The following NEBL variants were observed in gnomAD, a reference collection of about 807,000 sequenced individuals.
The protein encoded by NEBL is nebulette.
Under a neutral mutation model 140.2 loss-of-function variants are expected in NEBL, and 122 were observed. That is an observed-to-expected ratio of 0.87 (90% CI 0.75 to 1.01). NEBL has a LOEUF of 1.01. Among genes scored for constraint, NEBL ranks in the 50% least tolerant of loss-of-function variants. The pLI, the probability that NEBL is intolerant of heterozygous loss-of-function variation, is 0.00. For missense variants in NEBL, 1,365 were observed against 1,231.3 expected (o/e 1.11, Z -1.62); for synonymous variants, 436 against 398.9 (o/e 1.09, Z -1.11).
intron 26 of NEBL, among the ~76,000 whole-genome samples, chr10:20,807,139 A>T (rs1837681396): frequency 6.6e-6 from 1 of 152,122 alleles, no homozygotes; most frequent in African/African-American, 2.4e-5. Context: ...AGCATGGACA[A>T]CATTGCGAGA....
chr10:21,006,307 G>GA (rs1243116013), intron 3 of NEBL, among the ~76,000 whole-genome samples: 1 of 152,116 alleles, frequency 6.6e-6, no homozygotes, highest in Non-Finnish European at 1.5e-5. Context: ...CCCAGGAGTG[G>GA]AATTGCCAGA....
chr10:21,047,546 A>G (rs2131845122), intron 2 of NEBL, among the ~76,000 whole-genome samples: 1 of 152,286 alleles, frequency 6.6e-6, no homozygotes, highest in East Asian at 1.9e-4. Flanking sequence ...TTAAAAAAAA[A>G]AAGATTTTTT....
chr10:21,097,888 C>T (rs2100051687), intron 2 of NEBL, among the ~76,000 whole-genome samples: 1 of 152,150 alleles, frequency 6.6e-6, no homozygotes, highest in Non-Finnish European at 1.5e-5. Flanking sequence ...AGCACAAGGG[C>T]AGTCACCTTC....
At chr10:21,170,188 C>A (rs979235112) in intron 2 of NEBL, 15 of 152,124 alleles carry the variant, frequency 9.9e-5, no homozygotes, top group African/African-American at 3.4e-4. Flanking sequence ...TCTTTTTCTC[C>A]CTTATCCAAT....
At chr10:20,963,530 T>G (rs1024518678) in intron 3 of NEBL, among the ~76,000 whole-genome samples, 1 of 152,194 alleles carries the variant, frequency 6.6e-6, no homozygotes, top group Non-Finnish European at 1.5e-5. Context: ...GAAAAACCAA[T>G]AAATTCTAGA....
chr10:21,039,551 A>T (rs1834172671), intron 2 of NEBL, among the ~76,000 whole-genome samples: 1 of 152,118 alleles, frequency 6.6e-6, no homozygotes, highest in African/African-American at 2.4e-5. Flanking sequence ...TTGATATAGG[A>T]CATTTTCTAT....
chr10:20,837,941 T>C (rs1841048306), intron 13 of NEBL, among the ~76,000 whole-genome samples: 1 of 152,174 alleles, frequency 6.6e-6, no homozygotes, highest in East Asian at 1.9e-4. Flanking sequence ...CTAATGTTCA[T>C]AAAAGAAAGA....
chr10:21,006,125 T>G (rs1403803199), intron 3 of NEBL, among the ~76,000 whole-genome samples: 7 of 152,226 alleles, frequency 4.6e-5, no homozygotes, highest in African/African-American at 1.7e-4. Flanking sequence ...TTCCTTCCTT[T>G]AAATGATCGC....
At chr10:21,261,009 G>C (rs953499725) in intron 1 of NEBL, among the ~76,000 whole-genome samples, 1 of 152,148 alleles carries the variant, frequency 6.6e-6, no homozygotes, top group South Asian at 2.1e-4. Context: ...AGAAGGGATC[G>C]TGGATGGCAA....
intron 4 of NEBL, among the ~76,000 whole-genome samples, chr10:20,906,971 G>A (rs1406182539): frequency 6.6e-6 from 1 of 151,970 alleles, no homozygotes; most frequent in South Asian, 2.1e-4. Context: ...TTAAAATCCT[G>A]TGTATTTGAA....
At chr10:21,081,148 C>T (rs966320071) in intron 2 of NEBL, among the ~76,000 whole-genome samples, 1 of 152,228 alleles carries the variant, frequency 6.6e-6, no homozygotes, top group Non-Finnish European at 1.5e-5. Flanking sequence ...AGCCACCACA[C>T]CTGGCTGATC....
chr10:20,806,253 G>A (rs573658234), intron 26 of NEBL, among the ~76,000 whole-genome samples: 28 of 151,522 alleles, frequency 1.8e-4, no homozygotes, highest in African/African-American at 5.8e-4. Context: ...AGGCATCCAA[G>A]CAGAGGCCCT....
chr10:21,127,811 T>C (rs935537311), intron 2 of NEBL, among the ~76,000 whole-genome samples: 2 of 152,174 alleles, frequency 1.3e-5, no homozygotes, highest in Non-Finnish European at 2.9e-5. Flanking sequence ...AAGCTGCCAA[T>C]TGAATAAATG....
intron 5 of NEBL, among the ~76,000 whole-genome samples, chr10:20,871,182 TA>T (rs1184693181): frequency 6.6e-6 from 1 of 152,232 alleles, no homozygotes; most frequent in African/African-American, 2.4e-5. Context: ...AATGCACACT[TA>T]ATTACATTGT....
chr10:20,924,868 G>A (rs916535638), intron 4 of NEBL, among the ~76,000 whole-genome samples: 1 of 151,944 alleles, frequency 6.6e-6, no homozygotes, highest in Non-Finnish European at 1.5e-5. Flanking sequence ...TGCAGGAGTC[G>A]AGGGGTACAT....
chr10:20,941,408 C>A (rs894956119), intron 4 of NEBL, among the ~76,000 whole-genome samples: 5 of 152,130 alleles, frequency 3.3e-5, no homozygotes, highest in Non-Finnish European at 7.3e-5. Flanking sequence ...AACTCTCAAT[C>A]AATTAGGTAC....
intron 3 of NEBL, among the ~76,000 whole-genome samples, chr10:21,006,382 A>G: frequency 6.6e-6 from 1 of 152,182 alleles, no homozygotes; most frequent in Non-Finnish European, 1.5e-5. Context: ...TTAAGGCAGT[A>G]AGAGTTCATG....
intron 2 of NEBL, among the ~76,000 whole-genome samples, chr10:21,056,626 G>A (rs1306725762): frequency 6.6e-6 from 1 of 152,102 alleles, no homozygotes; most frequent in East Asian, 1.9e-4. Context: ...TCTTGCACAT[G>A]TACACCCATA....
chr10:20,834,392 C>T (rs1399086051), intron 14 of NEBL, among the ~76,000 whole-genome samples: 1 of 152,178 alleles, frequency 6.6e-6, no homozygotes, highest in Non-Finnish European at 1.5e-5. Context: ...GGCCGTCCAC[C>T]CCTGGCCACC....
Sources: gnomAD v4.1 joint callset for allele counts (sites outside exome capture counted in the v4.1 genomes callset) on GRCh38, gnomAD v4.1.1 for gene constraint, MANE v1.5 for transcripts, NCBI Gene and HGNC (gene_info 2026-07-23, HGNC 2026-07-21) for gene names.